The following IGFL2 variants were observed in gnomAD, a reference collection of about 807,000 sequenced individuals.
IGFL2 encodes insulin growth factor-like family member 2.
Under a neutral mutation model 13.9 loss-of-function variants are expected in IGFL2, and 7 were observed. The observed-to-expected ratio is 0.51, with a 90% confidence interval of 0.29 to 0.95. The LOEUF (loss-of-function observed/expected upper bound fraction) is 0.95. IGFL2 is among the 40% of genes least tolerant of loss of function. The probability of loss-of-function intolerance (pLI) is 0.08; values close to 1 mark genes in which losing one functional copy is unlikely to be tolerated. For synonymous variants in IGFL2, 55 were observed against 55.8 expected (o/e 0.99, Z 0.07); for missense variants, 138 against 147.8 (o/e 0.93, Z 0.34).
intron 1 of IGFL2, chr19:46,159,764 A>G (rs1974040357): frequency 6.6e-6 from 1 of 152,376 alleles, no homozygotes; most frequent in South Asian, 2.1e-4. Flanking sequence ...TGCAAAACAA[A>G]TGAGGAGAGC....
the IGFL2 span, among the ~76,000 whole-genome samples, chr19:46,135,699 A>G: frequency 6.6e-6 from 1 of 151,532 alleles, no homozygotes; most frequent in African/African-American, 2.4e-5. Context: ...TTCCACCTCA[A>G]AGGGAAGACT....
At chr19:46,089,651 G>C in the IGFL2 span, among the ~76,000 whole-genome samples, 2 of 150,704 alleles carry the variant, frequency 1.3e-5, no homozygotes, top group African/African-American at 4.9e-5. Flanking sequence ...CTTGGTGGTA[G>C]GTTTTTTTTT....
chr19:46,169,565 G>A, the IGFL2 span, among the ~76,000 whole-genome samples: 5,059 of 152,204 alleles, frequency 0.033, 120 homozygotes, highest in East Asian at 0.071. Context: ...TGAGAATATG[G>A]GTGAGCAAAG....
rs1974089538 is a variant in IGFL2, at chr19:46,160,396, T to G, written c.20-19T>G. The G allele has an allele frequency of 6.2e-7, 1 of 1,609,740 alleles. No homozygotes were observed. The highest frequency in any genetic ancestry group is 8.5e-7 in the Non-Finnish European group (1 of 1,177,654). On this transcript the variant is annotated intron_variant, in intron 1 of 3. Coordinates refer to ENST00000377693, the MANE Select transcript of IGFL2 (RefSeq NM_001135113.2). ...CACACTTCCAGCCCCATCCTTAACC[T>G]CCTTTCTTTCTCTCCCAGCTCCTGC...
downstream of IGFL2, among the ~76,000 whole-genome samples, chr19:46,165,001 ACCTTCTTAGG>A (rs1974331509): frequency 6.6e-6 from 1 of 152,198 alleles, no homozygotes; most frequent in Admixed American, 6.5e-5. Context: ...GCAGTTGCAG[ACCTTCTTAGG>A]CCTTCTAGGG....
downstream of IGFL2, chr19:46,161,314 CT>C: frequency 6.1e-5 from 22 of 362,722 alleles, no homozygotes; most frequent in South Asian, 2.7e-4. Flanking sequence ...ATGTCGTCTC[CT>C]TTCTTTTTTT....
chr19:46,109,608 G>A, the IGFL2 span, among the ~76,000 whole-genome samples: 3 of 152,222 alleles, frequency 2.0e-5, no homozygotes, highest in South Asian at 2.1e-4. Flanking sequence ...GAGACACCGC[G>A]CCCGGCCCAA....
At chr19:46,133,445 T>C in the IGFL2 span, among the ~76,000 whole-genome samples, 1 of 152,090 alleles carries the variant, frequency 6.6e-6, no homozygotes, top group Non-Finnish European at 1.5e-5. Flanking sequence ...GGCTAGCAAC[T>C]TAGAACTTCC....
At chr19:46,099,700 G>C in the IGFL2 span, among the ~76,000 whole-genome samples, 1 of 151,800 alleles carries the variant, frequency 6.6e-6, no homozygotes, top group East Asian at 1.9e-4. Context: ...GCTAATTTTT[G>C]TATTTTTAGT....
the IGFL2 span, chr19:46,173,795 A>T: frequency 6.6e-6 from 1 of 152,250 alleles, no homozygotes; most frequent in African/African-American, 2.4e-5. Context: ...AAGGGCAGGA[A>T]ATTGTAAACT....
chr19:46,192,930 C>A, the IGFL2 span, among the ~76,000 whole-genome samples: 1 of 151,978 alleles, frequency 6.6e-6, no homozygotes, highest in Admixed American at 6.5e-5. Flanking sequence ...TGGCTCATGC[C>A]TGTAATCCCA....
At chr19:46,100,856 C>A in the IGFL2 span, among the ~76,000 whole-genome samples, 1 of 152,032 alleles carries the variant, frequency 6.6e-6, no homozygotes, top group East Asian at 1.9e-4. Flanking sequence ...TTCTCATCTT[C>A]ATAAGTTTGT....
chr19:46,169,712 G>A, the IGFL2 span, among the ~76,000 whole-genome samples: 1 of 151,978 alleles, frequency 6.6e-6, no homozygotes, highest in South Asian at 2.1e-4. Context: ...ACCAGGTGTG[G>A]TGGTGGGTGC....
the IGFL2 span, chr19:46,124,120 G>A: frequency 3.6e-5 from 58 of 1,610,676 alleles, 3 homozygotes; most frequent in South Asian, 5.1e-4. Flanking sequence ...CCTGGGTGTC[G>A]GCTGGCACAG....
the IGFL2 span, among the ~76,000 whole-genome samples, chr19:46,197,685 C>A: frequency 6.6e-6 from 1 of 152,154 alleles, no homozygotes; most frequent in African/African-American, 2.4e-5. Context: ...GTGTGCACCA[C>A]TGTGCCCAGC....
chr19:46,132,987 A>G, the IGFL2 span, among the ~76,000 whole-genome samples: 1 of 152,120 alleles, frequency 6.6e-6, no homozygotes, highest in Non-Finnish European at 1.5e-5. Flanking sequence ...TTAGGAAGTG[A>G]AAAGGAGAGA....
chr19:46,208,175 T>C, the IGFL2 span: 1 of 152,284 alleles, frequency 6.6e-6, no homozygotes. Flanking sequence ...TTGGATATTG[T>C]CAGCTTCCCA....
the IGFL2 span, among the ~76,000 whole-genome samples, chr19:46,082,893 G>T: frequency 6.6e-6 from 1 of 152,026 alleles, no homozygotes; most frequent in South Asian, 2.1e-4. Context: ...TTTTCCCCTG[G>T]GTGTGGGATG....
the IGFL2 span, among the ~76,000 whole-genome samples, chr19:46,167,202 G>A: frequency 9.2e-5 from 14 of 152,168 alleles, no homozygotes; most frequent in Non-Finnish European, 1.9e-4. Flanking sequence ...GGCTTCAGCC[G>A]TTCCCTCCGT....
Sources: allele counts gnomAD v4.1 joint callset (sites outside exome capture counted in the v4.1 genomes callset), GRCh38; gene constraint gnomAD v4.1.1; transcripts MANE v1.5; gene names NCBI Gene and HGNC (gene_info 2026-07-23, HGNC 2026-07-21).